The following TPRG1 variants were observed in gnomAD, a reference collection of about 807,000 sequenced individuals.
TPRG1 encodes tumor protein p63 regulated 1, also known as tumor protein p63-regulated gene 1 protein.
In TPRG1, 29 loss-of-function variants were observed where a neutral mutation model predicts 29.3. The observed-to-expected ratio is 0.99, with a 90% CI of 0.74 to 1.35. The LOEUF is 1.35. Among genes scored for constraint, TPRG1 ranks in the 40% most tolerant of loss-of-function variants. The pLI is 0.00. For missense variants in TPRG1, 327 were observed against 335.0 expected (o/e 0.98, Z 0.19); for synonymous variants, 130 against 116.8 (o/e 1.11, Z -0.73).
At chr3:189,288,343 T>C (rs550966730) in intron 4 of TPRG1, among the ~76,000 whole-genome samples, 3 of 152,112 alleles carry the variant, frequency 2.0e-5, no homozygotes, top group Non-Finnish European at 4.4e-5. Context: ...TTGTGAGAAG[T>C]AAAAACAAAA....
At chr3:189,142,330 A>G (rs1724683745) in intron 3 of TPRG1, among the ~76,000 whole-genome samples, 1 of 152,176 alleles carries the variant, frequency 6.6e-6, no homozygotes. Flanking sequence ...AGACCCCACA[A>G]AAGCACTGAA....
At chr3:189,147,169 G>A (rs1018326592) in intron 3 of TPRG1, among the ~76,000 whole-genome samples, 6 of 152,296 alleles carry the variant, frequency 3.9e-5, no homozygotes, top group African/African-American at 1.4e-4. Context: ...GGAAGAGGAG[G>A]GAAGAGTTAT....
At chr3:189,057,935 A>G (rs1481876062) in intron 4 of TPRG1, among the ~76,000 whole-genome samples, 1 of 150,534 alleles carries the variant, frequency 6.6e-6, no homozygotes, top group East Asian at 2.0e-4. Flanking sequence ...ATGAATATAT[A>G]AGTATATATT....
chr3:189,196,887 A>T (rs897536832), intron 1 of TPRG1, among the ~76,000 whole-genome samples: 10 of 152,212 alleles, frequency 6.6e-5, no homozygotes, highest in Non-Finnish European at 1.0e-4. Flanking sequence ...AACTTAGATG[A>T]ATACTTTCCA....
intron 1 of TPRG1, among the ~76,000 whole-genome samples, chr3:189,206,860 T>C (rs1427309967): frequency 6.6e-6 from 1 of 150,478 alleles, no homozygotes; most frequent in African/African-American, 2.5e-5. Flanking sequence ...TGTGTGTGAG[T>C]CTTTGGGTAT....
chr3:189,320,149 G>A (rs561302595), intron 5 of TPRG1, among the ~76,000 whole-genome samples: 4 of 151,784 alleles, frequency 2.6e-5, no homozygotes, highest in African/African-American at 9.7e-5. Flanking sequence ...CATGACAGCG[G>A]GGTTTTTTTG....
At chr3:189,047,936 A>G (rs1715078998) in intron 4 of TPRG1, among the ~76,000 whole-genome samples, 2 of 152,194 alleles carry the variant, frequency 1.3e-5, no homozygotes, top group Non-Finnish European at 2.9e-5. Context: ...CCCCTCAGTT[A>G]TCCATGAATG....
intron 4 of TPRG1, among the ~76,000 whole-genome samples, chr3:189,057,657 A>G (rs1715787239): frequency 6.6e-6 from 1 of 151,234 alleles, no homozygotes; most frequent in African/African-American, 2.4e-5. Flanking sequence ...CATGGAATAA[A>G]ACACCAGAAG....
At chr3:189,233,159 A>AGTGTGTGT (rs1234383998) in intron 3 of TPRG1, among the ~76,000 whole-genome samples, 12 of 120,358 alleles carry the variant, frequency 1.0e-4, no homozygotes, top group African/African-American at 4.4e-4. Context: ...ACCTCTACTG[A>AGTGTGTGT]GTGTGTATGT....
rs11425320 is a variant in TPRG1 at position 189,310,328 on chromosome 3, A to ATTT, written c.480-47_480-45dup. 5.4e-4 allele frequency: 644 copies of ATTT among 1,196,198 alleles called. 1 individual carries two copies. Among genetic ancestry groups the ATTT allele is most frequent in the African/African-American group, 1.4e-3 (86 of 63,318 alleles). The allele number at this position is 1,196,198 out of a possible 1,614,324, so 74.1% of individuals were successfully genotyped here. On this transcript the variant is annotated intron_variant, in intron 4 of 5. Coordinates refer to ENST00000345063, the MANE Select transcript of TPRG1 (RefSeq NM_198485.4). ...AAGGCTGACTGATGTATTACATTCTATTTTTTTTTTTTTGGAAATGGAAAT... is the reference window on the plus strand; with the variant it reads ...AAGGCTGACTGATGTATTACATTCTATTTTTTTTTTTTTTTTGGAAATGGAAAT...
chr3:189,205,281 A>G (rs1301122560), intron 1 of TPRG1, among the ~76,000 whole-genome samples: 2 of 152,240 alleles, frequency 1.3e-5, no homozygotes, highest in Non-Finnish European at 1.5e-5. Flanking sequence ...AAGAAATCAT[A>G]TAAAGCAAAC....
chr3:189,181,380 C>T (rs1730200222), intron 1 of TPRG1, among the ~76,000 whole-genome samples: 1 of 152,190 alleles, frequency 6.6e-6, no homozygotes, highest in Non-Finnish European at 1.5e-5. Context: ...TTCTGCTTCC[C>T]TTATAAAACT....
At chr3:189,189,177 A>G (rs1190996773) in intron 1 of TPRG1, among the ~76,000 whole-genome samples, 3 of 152,144 alleles carry the variant, frequency 2.0e-5, no homozygotes, top group African/African-American at 7.2e-5. Context: ...ACCTAGAGAA[A>G]ACTAATGTGA....
At chr3:189,312,833 C>T (rs1310289718) in intron 5 of TPRG1, among the ~76,000 whole-genome samples, 1 of 152,120 alleles carries the variant, frequency 6.6e-6, no homozygotes, top group Non-Finnish European at 1.5e-5. Flanking sequence ...TTTGCCCTAG[C>T]CTTCCCAGTA....
chr3:189,162,871 T>A (rs1727665488), intron 5 of TPRG1, among the ~76,000 whole-genome samples: 1 of 152,170 alleles, frequency 6.6e-6, no homozygotes, highest in African/African-American at 2.4e-5. Flanking sequence ...AGAAACTAAC[T>A]GATTAATATT....
Position 189,053,875 on chromosome 3 carries a change from G to A in TPRG1, c.-463+29929G>A, listed in dbSNP as rs552426015. ...TTAGGCTTCGGCTTAAGGGAATGTT[G>A]TAGCTTGTTTGATCTTCTTTACAGA... is the stretch of plus-strand genomic sequence containing the variant. On this transcript the variant is annotated intron_variant, in intron 4 of 10. Transcript: ENST00000433971. 2.4e-4 allele frequency among the ~76,000 whole-genome samples: 36 copies of A among 152,294 alleles called. No individual in the cohort carries two copies. In the South Asian group the frequency reaches 7.3e-3, roughly 31 times the overall value.
intron 4 of TPRG1, among the ~76,000 whole-genome samples, chr3:189,067,121 T>G (rs1716505155): frequency 1.3e-5 from 2 of 151,906 alleles, no homozygotes; most frequent in Admixed American, 6.6e-5. Flanking sequence ...ACCAAAGAAG[T>G]GAAAGATCTC....
chr3:189,145,363 A>T (rs2108581511), intron 3 of TPRG1, among the ~76,000 whole-genome samples: 1 of 151,430 alleles, frequency 6.6e-6, no homozygotes, highest in South Asian at 2.1e-4. Flanking sequence ...TCCATCTAAA[A>T]AAAAAAAAAA....
intron 4 of TPRG1, among the ~76,000 whole-genome samples, chr3:189,304,931 C>G (rs1044968289): frequency 6.6e-6 from 1 of 152,146 alleles, no homozygotes; most frequent in African/African-American, 2.4e-5. Context: ...TACTTACAAG[C>G]ACACGCCCTG....
Sources: gnomAD v4.1 joint callset for allele counts (sites outside exome capture counted in the v4.1 genomes callset) on GRCh38, gnomAD v4.1.1 for gene constraint, MANE v1.5 for transcripts, NCBI Gene and HGNC (gene_info 2026-07-23, HGNC 2026-07-21) for gene names.